The following DNAH11 variants were observed in gnomAD, a reference collection of about 807,000 sequenced individuals.
DNAH11 encodes the protein axonemal beta dynein heavy chain 11.
Under a neutral mutation model 526.0 loss-of-function variants are expected in DNAH11, and 442 were observed. That is an observed-to-expected ratio of 0.84 (90% CI 0.78 to 0.91). The LOEUF is 0.91. Among genes scored for constraint, DNAH11 ranks in the 40% least tolerant of loss-of-function variants. DNAH11 has a pLI of 0.00. For synonymous variants in DNAH11, 2,461 were observed against 1,935.9 expected (o/e 1.27, Z -7.12); for missense variants, 6,989 against 5,448.7 (o/e 1.28, Z -8.90).
At chr7:21,854,481 T>G in intron 68 of DNAH11, 26 bp downstream of exon 68, 1 of 1,605,858 alleles carries the variant, frequency 6.2e-7, no homozygotes, top group Non-Finnish European at 8.5e-7. Context: ...CTAAGAAATA[T>G]GGGAAACTTT....
rs572847504 is a variant in DNAH11 at position 21,613,534 on chromosome 7, G to A, written c.3853-1580G>A. ...TAACTTGTAAAAATGAAAGCAGGAT[G>A]CTAATACTCTTCTTTACATAGTAGG... is the stretch of plus-strand genomic sequence containing the variant. On this transcript the variant is annotated intron_variant, in intron 20 of 81. Transcript: ENST00000409508. Among the ~76,000 whole-genome samples, 58 of 152,258 alleles carry A rather than the reference G, an allele frequency of 3.8e-4. 1 individual carries two copies. In the South Asian group the frequency reaches 0.011, roughly 29 times the overall value.
At chr7:21,723,274 A>G (rs1456367195) in intron 44 of DNAH11, among the ~76,000 whole-genome samples, 2 of 152,332 alleles carry the variant, frequency 1.3e-5, no homozygotes, top group East Asian at 1.9e-4. Context: ...ATGGATTGGT[A>G]CAACTCTTCT....
chr7:21,791,639 A>G lies in DNAH11; in HGVS notation c.10026+2297A>G, dbSNP rs77023479. Among the ~76,000 whole-genome samples, 7 of 152,290 alleles carry G rather than the reference A, an allele frequency of 4.6e-5. No individual in the cohort carries two copies. In the East Asian group the frequency reaches 1.4e-3, roughly 29 times the overall value. The stretch of plus-strand genomic sequence containing the variant: ...CTTCGGGCAAGCTCCTTCAGCTTAC[A>G]TTAGCTAGAAGGGAGTAGGTATTTC... On this transcript the variant is annotated intron_variant, in intron 61 of 81. Coordinates refer to ENST00000409508, the MANE Select transcript of DNAH11 (RefSeq NM_001277115.2).
At chr7:21,873,174 C>T (rs906934071) in intron 73 of DNAH11, 100 bp from the exon 74 acceptor site, 25 of 1,059,406 alleles carry the variant, frequency 2.4e-5, no homozygotes, top group Non-Finnish European at 3.1e-5. Context: ...AATCATGGTT[C>T]TCTGAGTTTT....
chr7:21,638,691 GGTGTGTGTGTGTGTGTGTGT>G (rs56257528), intron 27 of DNAH11, among the ~76,000 whole-genome samples: 20 of 144,118 alleles, frequency 1.4e-4, no homozygotes, highest in Non-Finnish European at 2.4e-4. Context: ...CAGCTAATGG[GGTGTGTGTGTGTGTGTGTGT>G]GTGTGTGTGT....
intron 2 of DNAH11, among the ~76,000 whole-genome samples, chr7:21,549,534 C>T (rs1782940146): frequency 3.3e-5 from 5 of 152,150 alleles, no homozygotes; most frequent in Admixed American, 3.3e-4. Flanking sequence ...GAACAAATTG[C>T]CCTAGGGGGG....
intron 2 of DNAH11, among the ~76,000 whole-genome samples, chr7:21,547,427 C>T (rs1214697840): frequency 6.6e-6 from 1 of 152,200 alleles, no homozygotes; most frequent in East Asian, 1.9e-4. Context: ...GTTTAGTAGG[C>T]AGGCACACCC....
chr7:21,896,411 C>G (rs1784518229), intron 79 of DNAH11, among the ~76,000 whole-genome samples: 1 of 152,114 alleles, frequency 6.6e-6, no homozygotes, highest in Non-Finnish European at 1.5e-5. Flanking sequence ...TGTTCTAACT[C>G]CATGGTTTTC....
intron 56 of DNAH11, among the ~76,000 whole-genome samples, chr7:21,776,102 C>T (rs1787661353): frequency 6.6e-6 from 1 of 152,102 alleles, no homozygotes; most frequent in Non-Finnish European, 1.5e-5. Flanking sequence ...ATTGATGAGT[C>T]AGGGGGATGG....
chr7:21,638,944 C>T lies in DNAH11; in HGVS notation c.4823C>T (p.Ser1608Phe). The T allele has an allele frequency of 6.2e-7, 1 of 1,606,432 alleles. No homozygotes were observed. Among genetic ancestry groups the T allele is most frequent in the Non-Finnish European group, 8.5e-7 (1 of 1,177,552 alleles). The change falls in exon 28 of 82, where the codon TCT becomes TTT. Residue 1608 changes from serine to phenylalanine, a missense_variant. Coordinates refer to ENST00000409508, the MANE Select transcript of DNAH11 (RefSeq NM_001277115.2). ...AACATTTTTCATTCATGTAGGCTTT[C>T]TCTTTGTGAAAAAGCTCTCGCTGAA... Reference protein sequence around the residue: ...EKLKDLQSRLSLCEKALAEYL... With the variant: ...EKLKDLQSRLFLCEKALAEYL...
At chr7:21,729,672 C>T (rs1316323180) in intron 45 of DNAH11, among the ~76,000 whole-genome samples, 1 of 150,490 alleles carries the variant, frequency 6.6e-6, no homozygotes, top group Admixed American at 6.7e-5. Flanking sequence ...CACATTATGA[C>T]AAGAATTGCT....
At chr7:21,778,125 A>G (rs546700560) in intron 56 of DNAH11, among the ~76,000 whole-genome samples, 2 of 152,292 alleles carry the variant, frequency 1.3e-5, no homozygotes, top group East Asian at 1.9e-4. Context: ...TTTTAGTTAC[A>G]TGACCCTCAA....
chr7:21,867,048 A>G (rs1398828235), intron 71 of DNAH11, among the ~76,000 whole-genome samples: 1 of 152,220 alleles, frequency 6.6e-6, no homozygotes, highest in Non-Finnish European at 1.5e-5. Context: ...TTTGCATGTC[A>G]AACAAAAATG....
At chr7:21,708,642 C>A (rs1784356809) in intron 40 of DNAH11, among the ~76,000 whole-genome samples, 1 of 152,192 alleles carries the variant, frequency 6.6e-6, no homozygotes, top group African/African-American at 2.4e-5. Context: ...GTCCCCAAAT[C>A]CCACCATCCC....
rs531281371 is a variant in DNAH11 at position 21,859,104 on chromosome 7, A to AT, written c.11203-2739dup. 5.3e-3 allele frequency among the ~76,000 whole-genome samples: 797 copies of AT among 150,454 alleles called. 7 individuals carry two copies. Among genetic ancestry groups the AT allele is most frequent in the African/African-American group, 0.018 (749 of 40,998 alleles). ...TAAGGTGTCTATGAAACATACATGAATTTTTTTTTTCATTTTGTTTTGTTT... is the reference window on the plus strand; with the variant it reads ...TAAGGTGTCTATGAAACATACATGAATTTTTTTTTTTCATTTTGTTTTGTTT... On this transcript the variant is annotated intron_variant, in intron 68 of 81. Transcript: ENST00000409508.
rs543514580 is a variant in DNAH11, at chr7:21,702,749, T to C, written c.6220T>C (p.Leu2074=). 6.8e-6 allele frequency: 11 copies of C among 1,613,814 alleles called. No individual in the cohort carries two copies. The East Asian group carries it at 2.5e-4, about 36-fold the overall frequency. The change falls in exon 37 of 82, where the codon TTG becomes CTG. Residue 2074 remains leucine (L), a synonymous_variant. Coordinates refer to ENST00000409508, the MANE Select transcript of DNAH11 (RefSeq NM_001277115.2). ...DWGLRAIKSV[L]VVAGSLKRGD... is the part of the protein sequence containing the mutation. ...GGGACTTCGTGCTATTAAGTCTGTC[T>C]TGGTTGTGGCTGGATCTCTGAAACG...
At chr7:21,560,984 G>A in intron 4 of DNAH11, 87 bp from the exon 5 acceptor site, 1 of 919,926 alleles carries the variant, frequency 1.1e-6, no homozygotes, top group South Asian at 1.6e-5. Context: ...TGAGTGAAAT[G>A]GAATTTAAAT....
intron 22 of DNAH11, among the ~76,000 whole-genome samples, chr7:21,616,798 A>G (rs769002139): frequency 5.3e-5 from 8 of 152,160 alleles, no homozygotes; most frequent in Non-Finnish European, 7.4e-5. Context: ...GTAATTTGGT[A>G]CTTATTGGAA....
rs372643687 is a variant in DNAH11, at chr7:21,683,964, G to A, written c.5621+20G>A. 5.4e-5 allele frequency: 87 copies of A among 1,609,922 alleles called. No homozygotes were observed. The highest frequency in any genetic ancestry group is 2.5e-4 in the African/African-American group (19 of 74,822). ...TGACAGGTAACAATTCAAAGTTTCC[G>A]TCCAGATAGGAAAAACAACCCAAAA... On this transcript the variant is annotated intron_variant, in intron 32 of 81. Transcript: ENST00000409508.
Sources: allele counts gnomAD v4.1 joint callset (sites outside exome capture counted in the v4.1 genomes callset), GRCh38; gene constraint gnomAD v4.1.1; transcripts MANE v1.5; gene names NCBI Gene and HGNC (gene_info 2026-07-23, HGNC 2026-07-21).